PPFIBP2: variants seen among roughly 807,000 people sequenced by gnomAD.
The protein encoded by PPFIBP2 is PPFIB scaffold protein 2, also known as liprin-beta-2.
A neutral mutation model predicts 118.3 loss-of-function variants in PPFIBP2; 118 were observed. That is an observed-to-expected ratio of 1.00 (90% CI 0.86 to 1.16). The LOEUF (loss-of-function observed/expected upper bound fraction) is 1.16, where lower values mean the gene tolerates loss of function less well. Ranked by LOEUF, PPFIBP2 falls within the 50% of genes most tolerant of loss-of-function variation. The pLI is 0.00. For synonymous variants in PPFIBP2, 414 were observed against 397.4 expected, an observed-to-expected ratio of 1.04 and a Z score of -0.50; for missense variants, 1,195 against 1,073.1, an observed-to-expected ratio of 1.11 and a Z score of -1.59.
At chr11:7,629,649 A>G (rs1359136542) in intron 10 of PPFIBP2, 115 bp downstream of exon 10, 8 of 988,394 alleles carry the variant, frequency 8.1e-6, no homozygotes, top group South Asian at 1.4e-5. Context: ...AAGACTCCCT[A>G]CTGGAGAACA....
chr11:7,610,966 G>A (rs1848000680), intron 6 of PPFIBP2, among the ~76,000 whole-genome samples: 1 of 152,324 alleles, frequency 6.6e-6, no homozygotes, highest in Admixed American at 6.5e-5. Context: ...GCCATTGGCT[G>A]GAACATGCCA....
chr11:7,534,594 C>G (rs1312219206), intron 1 of PPFIBP2, among the ~76,000 whole-genome samples: 1 of 152,134 alleles, frequency 6.6e-6, no homozygotes, highest in Non-Finnish European at 1.5e-5. Context: ...AGGCACATTG[C>G]CAACCGGGTC....
chr11:7,560,872 A>G (rs890563031), intron 2 of PPFIBP2, among the ~76,000 whole-genome samples: 4 of 152,176 alleles, frequency 2.6e-5, no homozygotes, highest in African/African-American at 4.8e-5. Context: ...TAAATGTTCT[A>G]TTTACCAATG....
rs756227627 is a variant in PPFIBP2, at chr11:7,593,211, C to A, written c.359C>A (p.Ser120Tyr). 8 of 1,613,880 alleles carry A rather than the reference C, an allele frequency of 5.0e-6. No homozygotes were observed. The South Asian group carries it at 8.8e-5, about 18-fold the overall frequency. The part of the protein sequence containing the change: ...RLARLEGDKE[S>Y]LILQVSVLTD... ...GCACGTCTAGAAGGGGATAAGGAGT[C>A]CCTCATATTGCAGGTGGGTACTTTT... The change falls in exon 4 of 24, where the codon TCC becomes TAC. Residue 120 changes from serine to tyrosine, a missense_variant. Physicochemically the swap from Ser to Tyr is moderately radical, Grantham distance 144. Coordinates refer to ENST00000299492, the MANE Select transcript of PPFIBP2 (RefSeq NM_003621.5).
At chr11:7,663,749 C>G in the PPFIBP2 span, among the ~76,000 whole-genome samples, 3 of 152,088 alleles carry the variant, frequency 2.0e-5, no homozygotes, top group Non-Finnish European at 4.4e-5. Context: ...CCCCCAGCCT[C>G]GCTGCTGCCT....
chr11:7,556,778 A>C (rs889048917), intron 2 of PPFIBP2, among the ~76,000 whole-genome samples: 1 of 152,230 alleles, frequency 6.6e-6, no homozygotes, highest in South Asian at 2.1e-4. Flanking sequence ...GTTGGTCACT[A>C]TCCATAGGTA....
rs149306410 is a variant in PPFIBP2, at chr11:7,610,757, C to T, written c.618+335C>T. Among the ~76,000 whole-genome samples the T allele has an allele frequency of 2.3e-4, 35 of 152,238 alleles. No homozygotes were observed. The South Asian group carries it at 5.6e-3, about 24-fold the overall frequency. On this transcript the variant is annotated intron_variant, in intron 6 of 23. Coordinates refer to ENST00000299492, the MANE Select transcript of PPFIBP2 (RefSeq NM_003621.5). ...GAGAACCAAGGAAATGACGACGTAC[C>T]GGAATGAAGTCAGCCTCCCAATAGG...
At chr11:7,666,751 G>T in the PPFIBP2 span, 4 of 475,894 alleles carry the variant, frequency 8.4e-6, no homozygotes, top group South Asian at 9.6e-5. Flanking sequence ...GTTCCTCCAT[G>T]TGGATGAAGA....
At chr11:7,537,832 C>T (rs1481040801) in intron 1 of PPFIBP2, among the ~76,000 whole-genome samples, 1 of 152,180 alleles carries the variant, frequency 6.6e-6, no homozygotes, top group African/African-American at 2.4e-5. Flanking sequence ...CTCCCCACTC[C>T]CCAATCCCTC....
At chr11:7,542,658 C>T (rs566389608) in intron 1 of PPFIBP2, among the ~76,000 whole-genome samples, 1 of 152,326 alleles carries the variant, frequency 6.6e-6, no homozygotes, top group East Asian at 1.9e-4. Context: ...TTATGTAAGT[C>T]TGTTAAGATG....
At chr11:7,599,792 G>A (rs556123244) in intron 5 of PPFIBP2, among the ~76,000 whole-genome samples, 4 of 141,332 alleles carry the variant, frequency 2.8e-5, no homozygotes, top group African/African-American at 1.1e-4. Flanking sequence ...CACCACGCCC[G>A]GCTAATTTTT....
intron 2 of PPFIBP2, among the ~76,000 whole-genome samples, chr11:7,561,678 C>A (rs1241598819): frequency 6.6e-6 from 1 of 152,206 alleles, no homozygotes; most frequent in Non-Finnish European, 1.5e-5. Context: ...CTTGATTGTA[C>A]TTCTCAGAAT....
In PPFIBP2 at chr11:7,529,451, G is replaced by A. The variant is rs2134325747; in HGVS notation, c.-37+15330G>A. On this transcript the variant is annotated intron_variant, in intron 1 of 23. Coordinates refer to ENST00000299492, the MANE Select transcript of PPFIBP2 (RefSeq NM_003621.5). ...GTCTGGCTATCGGTGTCCCCAAAGAGTGTGGTGTCCACTGAGAATAACCGG... is the reference window on the plus strand; with the variant it reads ...GTCTGGCTATCGGTGTCCCCAAAGAATGTGGTGTCCACTGAGAATAACCGG... 2.0e-5 allele frequency among the ~76,000 whole-genome samples: 3 copies of A among 152,300 alleles called. No homozygotes were observed. In the South Asian group the frequency reaches 6.2e-4, roughly 32 times the overall value.
At chr11:7,565,980 T>C (rs1053874615) in intron 3 of PPFIBP2, among the ~76,000 whole-genome samples, 1 of 152,072 alleles carries the variant, frequency 6.6e-6, no homozygotes, top group Non-Finnish European at 1.5e-5. Flanking sequence ...CCTTCCATGG[T>C]CCACAGTTGG....
chr11:7,665,685 C>G, the PPFIBP2 span: 7 of 1,139,246 alleles, frequency 6.1e-6, no homozygotes, highest in South Asian at 1.1e-4. Flanking sequence ...TACTACTGCT[C>G]CCTGCAAAAA....
the PPFIBP2 span, chr11:7,666,627 T>C: frequency 2.8e-6 from 3 of 1,066,868 alleles, no homozygotes; most frequent in Non-Finnish European, 4.2e-6. Context: ...CCGGTCAGCA[T>C]ACTCCTGGCC....
chr11:7,652,208 G>A (rs903155346), intron 23 of PPFIBP2, among the ~76,000 whole-genome samples: 5 of 152,252 alleles, frequency 3.3e-5, no homozygotes, highest in African/African-American at 7.2e-5. Flanking sequence ...CCGCAATGCC[G>A]TGGGATCTTG....
intron 17 of PPFIBP2, among the ~76,000 whole-genome samples, chr11:7,647,850 C>A (rs1267199340): frequency 6.6e-6 from 1 of 152,090 alleles, no homozygotes; most frequent in Non-Finnish European, 1.5e-5. Flanking sequence ...AATATATTGT[C>A]CTTTTATTGA....
rs772154391 is a variant in PPFIBP2 at position 7,610,393 on chromosome 11, G to GAGCAGGAGGAGA, written c.595_606dup (p.Glu199_Gln202dup). On this transcript the variant is annotated inframe_insertion, in exon 6 of 24. Coordinates refer to ENST00000299492, the MANE Select transcript of PPFIBP2 (RefSeq NM_003621.5). ...GGTTGGCATGGAGAAGGAGCAGAGA[G>GAGCAGGAGGAGA]AGCAGGAGGAGAAGCAGAGAAAAGC... 10 of 1,613,984 alleles carry GAGCAGGAGGAGA rather than the reference G, an allele frequency of 6.2e-6. No individual in the cohort carries two copies. The highest frequency in any genetic ancestry group is 6.8e-6 in the Non-Finnish European group (8 of 1,180,010).
Sources: gnomAD v4.1 joint callset for allele counts (sites outside exome capture counted in the v4.1 genomes callset) on GRCh38, gnomAD v4.1.1 for gene constraint, MANE v1.5 for transcripts, NCBI Gene and HGNC (gene_info 2026-07-23, HGNC 2026-07-21) for gene names.